CDH18: variants seen among roughly 807,000 people sequenced by gnomAD.
CDH18 encodes cadherin 18, also known as cadherin-18.
Under a neutral mutation model 67.9 loss-of-function variants are expected in CDH18, and 31 were observed. That is an observed-to-expected ratio of 0.46 (90% confidence interval 0.34 to 0.62). The LOEUF (loss-of-function observed/expected upper bound fraction) is 0.62, where lower values mean the gene tolerates loss of function less well. Among genes scored for constraint, CDH18 ranks in the 20% least tolerant of loss-of-function variants. The pLI is 0.01. For synonymous variants in CDH18, 362 were observed against 347.2 expected, an observed-to-expected ratio of 1.04 and a Z score of -0.48; for missense variants, 890 against 975.5, an observed-to-expected ratio of 0.91 and a Z score of 1.17.
At chr5:19,531,228 C>G (rs1748570989) in intron 9 of CDH18, among the ~76,000 whole-genome samples, 2 of 152,134 alleles carry the variant, frequency 1.3e-5, no homozygotes, top group South Asian at 4.1e-4. Flanking sequence ...ATCTGATTAA[C>G]TCATATATCT....
At chr5:19,549,044 G>A (rs1160658521) in intron 8 of CDH18, among the ~76,000 whole-genome samples, 1 of 152,000 alleles carries the variant, frequency 6.6e-6, no homozygotes, top group African/African-American at 2.4e-5. Context: ...ACTGTGCCTG[G>A]CCAGCTTCTT....
intron 1 of CDH18, among the ~76,000 whole-genome samples, chr5:20,560,500 CACACACACACA>C (rs1758145688): frequency 3.3e-5 from 5 of 151,348 alleles, no homozygotes; most frequent in Admixed American, 6.6e-5. Context: ...CACACACACA[CACACACACACA>C]CCCCTACATT....
At position 20,434,018 on chromosome 5, in the gene CDH18, A is replaced by T. The variant is rs560748572; in HGVS notation, c.-580+141444T>A. Among the ~76,000 whole-genome samples, 203 of 152,220 alleles carry T rather than the reference A, an allele frequency of 1.3e-3. 1 individual carries two copies. The highest frequency in any genetic ancestry group is 4.8e-3 in the African/African-American group (199 of 41,570). On this transcript the variant is annotated intron_variant, in intron 1 of 14. Transcript: ENST00000507958. ...GAGTTCAACAACCATTTGTATGAGAATTTAAGCTCCCTGGTACTAGGAATG... is the reference window on the plus strand; with the variant it reads ...GAGTTCAACAACCATTTGTATGAGATTTTAAGCTCCCTGGTACTAGGAATG...
At chr5:20,134,769 C>A (rs577101718) in intron 2 of CDH18, among the ~76,000 whole-genome samples, 1 of 152,042 alleles carries the variant, frequency 6.6e-6, no homozygotes, top group Non-Finnish European at 1.5e-5. Flanking sequence ...TGACTTTGGT[C>A]TTTCCTAAGT....
At chr5:20,027,552 C>G (rs1739018445) in intron 2 of CDH18, among the ~76,000 whole-genome samples, 1 of 152,104 alleles carries the variant, frequency 6.6e-6, no homozygotes, top group African/African-American at 2.4e-5. Context: ...TGCCGCAGTT[C>G]TTAGGCTTAT....
At chr5:20,544,233 C>T (rs1757213925) in intron 1 of CDH18, among the ~76,000 whole-genome samples, 1 of 151,914 alleles carries the variant, frequency 6.6e-6, no homozygotes, top group Admixed American at 6.6e-5. Flanking sequence ...ACAAGCATAC[C>T]TCACAGATGG....
chr5:19,724,422 C>T (rs1766528167), intron 4 of CDH18, among the ~76,000 whole-genome samples: 1 of 151,986 alleles, frequency 6.6e-6, no homozygotes, highest in African/African-American at 2.4e-5. Flanking sequence ...TATATTGGAG[C>T]TGTTCAATAT....
At chr5:20,224,920 C>T (rs1470653980) in intron 2 of CDH18, among the ~76,000 whole-genome samples, 1 of 151,850 alleles carries the variant, frequency 6.6e-6, no homozygotes, top group African/African-American at 2.4e-5. Context: ...TTCTCTTTCC[C>T]TCTCTCTTTC....
intron 5 of CDH18, among the ~76,000 whole-genome samples, chr5:19,682,190 C>A (rs1350450165): frequency 6.6e-6 from 1 of 152,056 alleles, no homozygotes; most frequent in Non-Finnish European, 1.5e-5. Flanking sequence ...GCTCCCTCTT[C>A]AATTCTGCCA....
At chr5:20,462,597 C>T (rs1237741822) in intron 1 of CDH18, among the ~76,000 whole-genome samples, 1 of 152,168 alleles carries the variant, frequency 6.6e-6, no homozygotes, top group East Asian at 1.9e-4. Flanking sequence ...ATCAAACTAT[C>T]ATTTTTTATC....
intron 3 of CDH18, among the ~76,000 whole-genome samples, chr5:19,778,995 C>CAA (rs747045512): frequency 6.6e-6 from 1 of 152,122 alleles, no homozygotes; most frequent in Non-Finnish European, 1.5e-5. Context: ...GATGTCTCTG[C>CAA]ACACACACAA....
chr5:19,945,744 T>C (rs545941687), intron 2 of CDH18, among the ~76,000 whole-genome samples: 1 of 152,202 alleles, frequency 6.6e-6, no homozygotes, highest in South Asian at 2.1e-4. Context: ...ATGCTGGATG[T>C]CCTTAGAAGT....
chr5:20,520,211 A>G (rs993467868), intron 1 of CDH18, among the ~76,000 whole-genome samples: 1 of 151,798 alleles, frequency 6.6e-6, no homozygotes, highest in Admixed American at 6.6e-5. Flanking sequence ...GACCAAGTAG[A>G]GGTAAGGAAA....
At chr5:20,049,562 G>A (rs1477572091) in intron 2 of CDH18, among the ~76,000 whole-genome samples, 1 of 151,684 alleles carries the variant, frequency 6.6e-6, no homozygotes, top group Admixed American at 6.6e-5. Flanking sequence ...TAGAGTAACT[G>A]ATGAAGTTTA....
chr5:20,550,379 C>T lies in CDH18; in HGVS notation c.-580+25083G>A, dbSNP rs1055407998. Among the ~76,000 whole-genome samples the T allele has an allele frequency of 5.3e-5, 8 of 152,018 alleles. No homozygotes were observed. In the South Asian group the frequency reaches 1.3e-3, roughly 24 times the overall value. The stretch of plus-strand genomic sequence containing the variant: ...TAAAGCCAGTTTACACCTTGGAGAG[C>T]GATCTATAGAATTTTAGTAATACAA... On this transcript the variant is annotated intron_variant, in intron 1 of 14. Transcript: ENST00000507958.
chr5:19,582,626 G>GT (rs981205648), intron 7 of CDH18, among the ~76,000 whole-genome samples: 4 of 151,816 alleles, frequency 2.6e-5, no homozygotes, highest in Admixed American at 6.6e-5. Context: ...ACTTAGTTGA[G>GT]TTTTTTTTGA....
At chr5:20,393,548 T>C (rs551837444) in intron 1 of CDH18, among the ~76,000 whole-genome samples, 1 of 152,064 alleles carries the variant, frequency 6.6e-6, no homozygotes, top group South Asian at 2.1e-4. Flanking sequence ...AATCTGAAGA[T>C]CTACAATACA....
intron 3 of CDH18, among the ~76,000 whole-genome samples, chr5:19,750,349 A>T (rs947705337): frequency 5.9e-5 from 9 of 152,100 alleles, no homozygotes; most frequent in African/African-American, 2.2e-4. Context: ...GAATTTTTTA[A>T]TAAAAGGGTT....
intron 1 of CDH18, among the ~76,000 whole-genome samples, chr5:20,482,989 A>G (rs1752920429): frequency 6.6e-6 from 1 of 152,086 alleles, no homozygotes; most frequent in Non-Finnish European, 1.5e-5. Flanking sequence ...AAGGAGTCAA[A>G]TTATCCTTGT....
Sources: gnomAD v4.1 joint callset for allele counts (sites outside exome capture counted in the v4.1 genomes callset) on GRCh38, gnomAD v4.1.1 for gene constraint, MANE v1.5 for transcripts, NCBI Gene and HGNC (gene_info 2026-07-23, HGNC 2026-07-21) for gene names.